SEPTIN2: variants seen among roughly 807,000 people sequenced by gnomAD.
The protein encoded by SEPTIN2 is septin 2.
SEPTIN2 carries 34 observed loss-of-function variants against 46.5 expected under a neutral mutation model. The ratio of observed to expected loss-of-function variants is 0.73; its 90% CI spans 0.56 to 0.97. The LOEUF is 0.97. Among genes scored for constraint, SEPTIN2 ranks in the 50% least tolerant of loss-of-function variants. SEPTIN2 has a pLI of 0.00. For synonymous variants in SEPTIN2, 175 were observed against 153.4 expected (o/e 1.14, Z -1.04); for missense variants, 347 against 448.4 (o/e 0.77, Z 2.04).
At chr2:241,334,372 A>G (rs1004151942) in intron 3 of SEPTIN2, among the ~76,000 whole-genome samples, 1 of 152,192 alleles carries the variant, frequency 6.6e-6, no homozygotes, top group African/African-American at 2.4e-5. Flanking sequence ...TGTAAAATTT[A>G]ATTTTTGGTA....
chr2:241,325,980 T>A lies in SEPTIN2; in HGVS notation c.10-13T>A. 1 of 1,608,276 alleles carries A rather than the reference T, an allele frequency of 6.2e-7. No individual in the cohort carries two copies. The highest frequency in any genetic ancestry group is 8.5e-7 in the Non-Finnish European group (1 of 1,177,808). ...GGTGTTTATTAGTTTGTTTGTTTTTTAATCTTATTTAGCAACAGCCAACTC... is the reference window on the plus strand; with the variant it reads ...GGTGTTTATTAGTTTGTTTGTTTTTAAATCTTATTTAGCAACAGCCAACTC... On this transcript the variant is annotated splice_polypyrimidine_tract_variant and intron_variant, in intron 2 of 12. Coordinates refer to ENST00000391971, the MANE Select transcript of SEPTIN2 (RefSeq NM_004404.5).
chr2:241,315,860 T>C (rs1229203376), upstream of SEPTIN2: 4 of 145,592 alleles, frequency 2.7e-5, no homozygotes. Context: ...GGTGACGCGG[T>C]GACGCAATCC....
At chr2:241,323,420 G>A (rs2077444965) in intron 1 of SEPTIN2, among the ~76,000 whole-genome samples, 3 of 151,584 alleles carry the variant, frequency 2.0e-5, no homozygotes, top group Non-Finnish European at 4.4e-5. Context: ...CACCATGCCT[G>A]GCTGAATCAG....
rs535727597 is a variant in SEPTIN2 at position 241,353,272 on chromosome 2, C to G, written c.*1335C>G. Reference sequence around the variant, plus strand: ...CCGCACAGTCGAAGCCACACCTGGTCTGTTTTCTGTGCACTGTAGCCTTAG... The same window carrying G: ...CCGCACAGTCGAAGCCACACCTGGTGTGTTTTCTGTGCACTGTAGCCTTAG... On this transcript the variant is annotated 3_prime_UTR_variant, in exon 13 of 13. Coordinates refer to ENST00000391971, the MANE Select transcript of SEPTIN2 (RefSeq NM_004404.5). The G allele has an allele frequency of 6.6e-6, 1 of 152,242 alleles. No homozygotes were observed. The highest frequency in any genetic ancestry group is 2.4e-5 in the African/African-American group (1 of 41,466). 9.4% of individuals were successfully genotyped at this position (152,242 alleles called of 1,614,324 possible). A position where few individuals can be genotyped will look rare whatever the true frequency, so the allele number is the denominator to read the frequency against.
Position 241,343,040 on chromosome 2 carries a change from G to C in SEPTIN2, c.643G>C (p.Asp215His). The C allele has an allele frequency of 6.2e-7, 1 of 1,611,316 alleles. No homozygotes were observed. Among genetic ancestry groups the C allele is most frequent in the Non-Finnish European group, 8.5e-7 (1 of 1,177,870 alleles). ...EHNIKIYHLP[D>H]AESDEDEDFK... ...TAACATCAAAATCTATCACTTACCT[G>C]ATGCAGAATCAGATGAAGATGAAGA... Residue 215 changes from aspartate (D) to histidine (H), a missense_variant, in exon 8 of 13, where the codon GAT becomes CAT. Transcript: ENST00000391971.
intron 1 of SEPTIN2, chr2:241,317,111 A>G (rs967577863): frequency 6.6e-6 from 1 of 152,244 alleles, no homozygotes; most frequent in African/African-American, 2.4e-5. Context: ...TGCCGTCATA[A>G]AGAAAAACAT....
intron 11 of SEPTIN2, among the ~76,000 whole-genome samples, chr2:241,349,863 T>C (rs2060627864): frequency 1.3e-5 from 2 of 152,220 alleles, no homozygotes; most frequent in Admixed American, 1.3e-4. Context: ...TGGTTATTGT[T>C]TCTGTTTGGC....
Position 241,346,146 on chromosome 2 carries a change from G to A in SEPTIN2, c.843-20G>A, listed in dbSNP as rs765458233. 2 of 1,599,086 alleles carry A rather than the reference G, an allele frequency of 1.3e-6. No individual in the cohort carries two copies. Among genetic ancestry groups the A allele is most frequent in the Non-Finnish European group, 1.7e-6 (2 of 1,166,986 alleles). On this transcript the variant is annotated intron_variant, in intron 9 of 12. Transcript: ENST00000391971. ...GTCATGTGCATGATGCCACCTTGGT[G>A]CATTCCTCTTCTCTTTCAGCACCCA...
intron 8 of SEPTIN2, 102 bp from the exon 9 acceptor site, chr2:241,343,650 A>C (rs1325883530): frequency 3.1e-6 from 4 of 1,293,216 alleles, no homozygotes; most frequent in Non-Finnish European, 4.3e-6. Context: ...TCAGTTTTGT[A>C]GTCAACAGCA....
intron 2 of SEPTIN2, chr2:241,325,323 T>C (rs2077778748): frequency 1.3e-5 from 2 of 152,218 alleles, no homozygotes; most frequent in African/African-American, 4.8e-5. Context: ...CTGTCCTCTC[T>C]CTCATCAGAT....
chr2:241,335,253 G>A, intron 4 of SEPTIN2, 41 bp downstream of exon 4: 1 of 1,600,250 alleles, frequency 6.2e-7, no homozygotes, highest in Admixed American at 1.7e-5. Context: ...AATTCTACAT[G>A]AAAGATGCTG....
intron 1 of SEPTIN2, among the ~76,000 whole-genome samples, chr2:241,320,987 C>T (rs1191400107): frequency 6.6e-6 from 1 of 152,118 alleles, no homozygotes; most frequent in Non-Finnish European, 1.5e-5. Context: ...AGTAATGTAA[C>T]AAATTACTGG....
intron 12 of SEPTIN2, chr2:241,351,348 TAC>T (rs1275129394): frequency 6.6e-6 from 1 of 152,206 alleles, no homozygotes; most frequent in Non-Finnish European, 1.5e-5. Flanking sequence ...AATACGTATG[TAC>T]AGTTTAATAA....
At position 241,327,731 on chromosome 2, in the gene SEPTIN2, A is replaced by G. The variant is rs2078238703; in HGVS notation, c.130+1618A>G. Among the ~76,000 whole-genome samples, 3 of 152,172 alleles carry G rather than the reference A, an allele frequency of 2.0e-5. No homozygotes were observed. The South Asian group carries it at 6.2e-4, about 32-fold the overall frequency. On this transcript the variant is annotated intron_variant, in intron 3 of 12. Coordinates refer to ENST00000391971, the MANE Select transcript of SEPTIN2 (RefSeq NM_004404.5). ...AAAGCCTGTAATAAGCAAATAGACCATAGATAAACAGAAAGGTCTTTAAAA... is the reference window on the plus strand; with the variant it reads ...AAAGCCTGTAATAAGCAAATAGACCGTAGATAAACAGAAAGGTCTTTAAAA...
chr2:241,337,201 T>C (rs2080171866), intron 5 of SEPTIN2, 181 bp from the exon 6 acceptor site: 1 of 584,128 alleles, frequency 1.7e-6, no homozygotes, highest in Non-Finnish European at 2.9e-6. Flanking sequence ...GGGGCAGTTA[T>C]GCTTGGCATA....
At position 241,336,013 on chromosome 2, in the gene SEPTIN2, GTTGAAA is replaced by G; in HGVS notation, c.262_267del (p.Ile88_Glu89del). 6.2e-7 allele frequency: 1 copy of G among 1,613,898 alleles called. No homozygotes were observed. Reference sequence around the variant, plus strand: ...AACTGTCCAGATTGAGGCTTCAACTGTTGAAATTGAAGAGCGAGGGGTCAAGCTACG... The same window carrying G: ...AACTGTCCAGATTGAGGCTTCAACTGTTGAAGAGCGAGGGGTCAAGCTACG... On this transcript the variant is annotated inframe_deletion, in exon 5 of 13. Coordinates refer to ENST00000391971, the MANE Select transcript of SEPTIN2 (RefSeq NM_004404.5).
chr2:241,325,875 A>G, intron 2 of SEPTIN2, 118 bp from the exon 3 acceptor site: 1 of 921,240 alleles, frequency 1.1e-6, no homozygotes, highest in Middle Eastern at 2.9e-4. Flanking sequence ...AAGTGTTTAT[A>G]CTTTTTAAAA....
At position 241,321,074 on chromosome 2, in the gene SEPTIN2, A is replaced by C. The variant is rs1387632582; in HGVS notation, c.-17-3142A>C. 6.6e-5 allele frequency among the ~76,000 whole-genome samples: 10 copies of C among 152,262 alleles called. No individual in the cohort carries two copies. The East Asian group carries it at 1.9e-3, about 29-fold the overall frequency. On this transcript the variant is annotated intron_variant, in intron 1 of 12. Coordinates refer to ENST00000391971, the MANE Select transcript of SEPTIN2 (RefSeq NM_004404.5). ...ACATTGACTGTAAAAATGTTTTTCA[A>C]ATTTTGTTTAGGCTTTTTTTTATGG... is the stretch of plus-strand genomic sequence containing the variant.
At chr2:241,324,418 T>C in intron 2 of SEPTIN2, 177 bp downstream of exon 2, 2 of 563,424 alleles carry the variant, frequency 3.5e-6, no homozygotes, top group South Asian at 4.1e-5. Context: ...GACGGGAGTC[T>C]TGTTCTGTCA....
Sources: gnomAD v4.1 joint callset for allele counts (sites outside exome capture counted in the v4.1 genomes callset) on GRCh38, gnomAD v4.1.1 for gene constraint, MANE v1.5 for transcripts, NCBI Gene and HGNC (gene_info 2026-07-23, HGNC 2026-07-21) for gene names.